The following NHSL1 variants were observed in gnomAD, a reference collection of about 807,000 sequenced individuals.
The protein encoded by NHSL1 is NHS-like protein 1.
NHSL1 carries 48 observed loss-of-function variants against 95.0 expected under a neutral mutation model. The observed-to-expected ratio is 0.51, with a 90% CI of 0.40 to 0.64. NHSL1 has a LOEUF of 0.64. Ranked by LOEUF, NHSL1 falls within the 30% of genes least tolerant of loss-of-function variation. The pLI, the probability that NHSL1 is intolerant of heterozygous loss-of-function variation, is 0.00. For synonymous variants in NHSL1, 783 were observed against 833.9 expected (o/e 0.94, Z 1.05); for missense variants, 1,971 against 2,077.7 (o/e 0.95, Z 1.00).
chr6:138,632,931 A>G (rs1784839445), intron 1 of NHSL1, among the ~76,000 whole-genome samples: 2 of 152,224 alleles, frequency 1.3e-5, no homozygotes, highest in African/African-American at 4.8e-5. Flanking sequence ...AATTCAAAAT[A>G]GCTTTTTTAA....
At position 138,430,037 on chromosome 6, in the gene NHSL1, T is replaced by C. The variant is rs1312925498; in HGVS notation, c.3953-194A>G. 6.6e-6 allele frequency among the ~76,000 whole-genome samples: 1 copy of C among 152,174 alleles called. No individual in the cohort carries two copies. The highest frequency in any genetic ancestry group is 1.5e-5 in the Non-Finnish European group (1 of 68,024). On this transcript the variant is annotated intron_variant, in intron 6 of 7. Coordinates refer to ENST00000343505, the MANE Select transcript of NHSL1 (RefSeq NM_001144060.2). The surrounding 1 kb of genome is among the most constrained non-coding windows in gnomAD (Gnocchi z 4.7). The stretch of plus-strand genomic sequence containing the variant: ...TAGCCTGAGAGCCAGAGCTCATTCT[T>C]TGTTAAAGTATGGAACGCCCATGGC...
Position 138,555,037 on chromosome 6 carries a change from T to A in NHSL1, c.202+16673A>T, listed in dbSNP as rs1783142815. 2.6e-5 allele frequency among the ~76,000 whole-genome samples: 4 copies of A among 152,172 alleles called. No homozygotes were observed. In the South Asian group the frequency reaches 8.3e-4, roughly 32 times the overall value. ...AGTTTAAAAATAAGCAAGAAAATGA[T>A]TCTTCAAATCGGCAGACCATCTTCA... is the stretch of plus-strand genomic sequence containing the variant. On this transcript the variant is annotated intron_variant, in intron 1 of 6. Transcript: ENST00000427025.
chr6:138,445,592 T>C (rs1776813504), intron 4 of NHSL1, among the ~76,000 whole-genome samples: 1 of 152,222 alleles, frequency 6.6e-6, no homozygotes, highest in Admixed American at 6.5e-5. Context: ...ATTAAATTTC[T>C]ATGGAATTTA....
upstream of NHSL1, among the ~76,000 whole-genome samples, chr6:138,574,119 G>C (rs1484577968): frequency 2.6e-5 from 4 of 152,086 alleles, no homozygotes; most frequent in South Asian, 8.3e-4. Flanking sequence ...TTTTAGTAGA[G>C]ACAGGGTTTC....
chr6:138,688,657 A>T (rs905922667), intron 1 of NHSL1, among the ~76,000 whole-genome samples: 2 of 152,124 alleles, frequency 1.3e-5, no homozygotes, highest in Admixed American at 6.5e-5. Flanking sequence ...AAATTAAAAT[A>T]AAAATAAAAA....
chr6:138,625,902 C>A (rs769249735), intron 1 of NHSL1, among the ~76,000 whole-genome samples: 1 of 152,136 alleles, frequency 6.6e-6, no homozygotes, highest in Non-Finnish European at 1.5e-5. Context: ...TTAGGACTCT[C>A]GAAGTGCTGG....
chr6:138,466,902 G>A (rs1370537084), intron 3 of NHSL1, among the ~76,000 whole-genome samples: 1 of 152,006 alleles, frequency 6.6e-6, no homozygotes, highest in Non-Finnish European at 1.5e-5. Flanking sequence ...TGGACAACAT[G>A]GTGAAACCCC....
At position 138,422,166 on chromosome 6, in the gene NHSL1, TTATG is replaced by T. The variant is rs1467881493; in HGVS notation, c.*1911_*1914del. 6.6e-6 allele frequency: 1 copy of T among 152,250 alleles called. No individual in the cohort carries two copies. Among genetic ancestry groups the T allele is most frequent in the Non-Finnish European group, 1.5e-5 (1 of 68,042 alleles). The allele number at this position is 152,250 out of a possible 1,614,324, so 9.4% of individuals were successfully genotyped here. A position where few individuals can be genotyped will look rare whatever the true frequency, so the allele number is the denominator to read the frequency against. ...TTGCTTTATCTTATCTTTGCATAAA[TTATG>T]TATTATTAAAGGTTTCTGATATCCA... is the stretch of plus-strand genomic sequence containing the variant. On this transcript the variant is annotated 3_prime_UTR_variant, in exon 8 of 8. Coordinates refer to ENST00000343505, the MANE Select transcript of NHSL1 (RefSeq NM_001144060.2).
Position 138,430,168 on chromosome 6 carries a change from C to G in NHSL1, c.3952+225G>C, listed in dbSNP as rs1484171691. ...GCCTGCTGCAGATCATCTCCATCCC[C>G]CTATTTTCTGCCATGCCTTTAGGTC... On this transcript the variant is annotated intron_variant, in intron 6 of 7. Transcript: ENST00000343505. This position sits in a 1 kb window ranked among gnomAD's most constrained non-coding sequence, Gnocchi z 4.7. Among the ~76,000 whole-genome samples the G allele has an allele frequency of 6.6e-6, 1 of 152,184 alleles. No homozygotes were observed. Among genetic ancestry groups the G allele is most frequent in the Non-Finnish European group, 1.5e-5 (1 of 68,028 alleles).
At chr6:138,655,381 C>T (rs924021028) in intron 1 of NHSL1, among the ~76,000 whole-genome samples, 9 of 152,186 alleles carry the variant, frequency 5.9e-5, no homozygotes, top group African/African-American at 2.2e-4. Context: ...ACCGCTCTCC[C>T]GCTTGACCCA....
intron 2 of NHSL1, among the ~76,000 whole-genome samples, chr6:138,491,174 G>C (rs1390819183): frequency 6.6e-6 from 1 of 152,166 alleles, no homozygotes; most frequent in African/African-American, 2.4e-5. Context: ...ATTTCTTCAG[G>C]AAAGAGCTGT....
intron 2 of NHSL1, among the ~76,000 whole-genome samples, chr6:138,476,124 C>T (rs1214030574): frequency 1.3e-5 from 2 of 152,280 alleles, no homozygotes; most frequent in Admixed American, 6.5e-5. Flanking sequence ...GACCATTCAA[C>T]CCAGCAATCC....
At chr6:138,489,710 C>T (rs1224290339) in intron 2 of NHSL1, among the ~76,000 whole-genome samples, 3 of 141,292 alleles carry the variant, frequency 2.1e-5, no homozygotes, top group African/African-American at 2.7e-5. Context: ...TGCAGTGAGC[C>T]GTGATCACAT....
At chr6:138,649,895 A>G (rs1785066454) in intron 1 of NHSL1, among the ~76,000 whole-genome samples, 1 of 152,010 alleles carries the variant, frequency 6.6e-6, no homozygotes, top group South Asian at 2.1e-4. Context: ...TCCTTTCCCC[A>G]TCCAACCTGG....
rs994150924 is a variant in NHSL1, at chr6:138,433,414, C to T, written c.931G>A (p.Val311Ile). ...MSVLSDSAGI[V>I]FPSRLDSDAG... ...TCACTGTCAAGGCGGGAAGGGAATA[C>T]GATCCCTGCAGAATCGCTCAGCACA... Residue 311 changes from valine (V) to isoleucine (I), a missense_variant, in exon 6 of 8, where the codon GTA (valine) becomes ATA (isoleucine). By Grantham distance (29) the Val-to-Ile change is conservative. This residue lies in a region of NHSL1 where 1,602 missense variants were observed against 1,654.5 expected (regional missense o/e 0.97). Transcript: ENST00000343505. 8.4e-6 allele frequency: 13 copies of T among 1,552,304 alleles called. No individual in the cohort carries two copies. Among genetic ancestry groups the T allele is most frequent in the East Asian group, 7.3e-5 (3 of 40,910 alleles).
chr6:138,457,359 C>A (rs1777683206), intron 3 of NHSL1, among the ~76,000 whole-genome samples: 1 of 82,278 alleles, frequency 1.2e-5, no homozygotes. Context: ...AGCAAAACAT[C>A]TTTCTTCATA....
chr6:138,600,784 G>A (rs1342878612), intron 1 of NHSL1, among the ~76,000 whole-genome samples: 1 of 152,126 alleles, frequency 6.6e-6, no homozygotes, highest in Admixed American at 6.5e-5. Context: ...TAATTTGTGA[G>A]AGAAGAAACT....
chr6:138,554,659 A>T (rs190860480), intron 1 of NHSL1, among the ~76,000 whole-genome samples: 26 of 152,352 alleles, frequency 1.7e-4, no homozygotes, highest in Non-Finnish European at 2.2e-4. Context: ...TGAATACATT[A>T]TTCTAATATT....
chr6:138,469,897 A>G (rs1778643117), intron 3 of NHSL1, among the ~76,000 whole-genome samples: 1 of 152,174 alleles, frequency 6.6e-6, no homozygotes, highest in Non-Finnish European at 1.5e-5. Context: ...TGCTCCACAG[A>G]ATCAAGAAAT....
Sources: allele counts gnomAD v4.1 joint callset (sites outside exome capture counted in the v4.1 genomes callset), GRCh38; gene constraint gnomAD v4.1.1; regional missense constraint gnomAD v4.1.1; non-coding constraint Gnocchi (gnomAD v3.1); transcripts MANE v1.5; gene names NCBI Gene and HGNC (gene_info 2026-07-23, HGNC 2026-07-21).